Variants in NAALADL2 observed in about 807,000 individuals in gnomAD.
NAALADL2 encodes the protein N-acetylated alpha-linked acidic dipeptidase like 2.
A neutral mutation model predicts 87.2 loss-of-function variants in NAALADL2; 76 were observed. The observed-to-expected ratio is 0.87, with a 90% CI of 0.72 to 1.05. The LOEUF is 1.05. Ranked by LOEUF, NAALADL2 falls within the 50% of genes least tolerant of loss-of-function variation. NAALADL2 has a pLI of 0.00. For synonymous variants in NAALADL2, 354 were observed against 331.0 expected, an observed-to-expected ratio of 1.07 and a Z score of -0.75; for missense variants, 1,089 against 945.8, an observed-to-expected ratio of 1.15 and a Z score of -1.99.
At chr3:175,504,588 TC>T (rs1730025604) in intron 9 of NAALADL2, among the ~76,000 whole-genome samples, 1 of 111,758 alleles carries the variant, frequency 8.9e-6, no homozygotes, top group Non-Finnish European at 1.7e-5. Context: ...TCTCTCTCTC[TC>T]TCTCTCTCTC....
At chr3:175,355,065 T>C (rs1013130455) in intron 5 of NAALADL2, among the ~76,000 whole-genome samples, 1 of 150,942 alleles carries the variant, frequency 6.6e-6, no homozygotes, top group Non-Finnish European at 1.5e-5. Flanking sequence ...TGTGTATACA[T>C]ATATTTTTTC....
chr3:174,997,034 G>GTA (rs1454611057), intron 1 of NAALADL2, among the ~76,000 whole-genome samples: 11 of 104,846 alleles, frequency 1.0e-4, no homozygotes, highest in African/African-American at 3.6e-4. Context: ...GTGTGTGTGT[G>GTA]TGTGTATGTG....
chr3:174,713,367 A>G (rs890770967), intron 2 of NAALADL2, among the ~76,000 whole-genome samples: 30 of 152,326 alleles, frequency 2.0e-4, no homozygotes, highest in African/African-American at 6.5e-4. Flanking sequence ...TAGATCCCTG[A>G]GGAATCGCCA....
At chr3:174,822,805 G>C (rs1047358124) in intron 3 of NAALADL2, among the ~76,000 whole-genome samples, 1 of 152,122 alleles carries the variant, frequency 6.6e-6, no homozygotes, top group Non-Finnish European at 1.5e-5. Context: ...AGAATTGGTG[G>C]CCTGAATGAT....
chr3:175,424,222 A>C (rs1350822655), intron 5 of NAALADL2, among the ~76,000 whole-genome samples: 2 of 151,930 alleles, frequency 1.3e-5, no homozygotes, highest in African/African-American at 4.8e-5. Context: ...TGTTCACTCT[A>C]ATGGTAGTTT....
chr3:175,763,421 A>G (rs1436000159), intron 13 of NAALADL2, among the ~76,000 whole-genome samples: 1 of 152,122 alleles, frequency 6.6e-6, no homozygotes, highest in Non-Finnish European at 1.5e-5. Flanking sequence ...AATTACTCCA[A>G]TGTTTAAGGT....
chr3:174,504,291 C>A (rs1278913104), intron 1 of NAALADL2, among the ~76,000 whole-genome samples: 2 of 151,894 alleles, frequency 1.3e-5, no homozygotes, highest in Admixed American at 1.3e-4. Context: ...GAGCCAATAC[C>A]CCAATGCAAA....
intron 1 of NAALADL2, among the ~76,000 whole-genome samples, chr3:175,032,512 T>G (rs935954457): frequency 6.6e-6 from 1 of 152,040 alleles, no homozygotes; most frequent in Non-Finnish European, 1.5e-5. Flanking sequence ...TACACAAGCA[T>G]TACCTATATA....
At position 174,913,635 on chromosome 3, in the gene NAALADL2, G is replaced by T. The variant is rs1733998082; in HGVS notation, c.43+54185G>T. Reference sequence around the variant, plus strand: ...ACTTGCAATCTCCTCTGGAAAAAAAGGGATAAATAATTATTTTACCGATTT... The same window carrying T: ...ACTTGCAATCTCCTCTGGAAAAAAATGGATAAATAATTATTTTACCGATTT... On this transcript the variant is annotated intron_variant, in intron 1 of 13. Coordinates refer to ENST00000454872, the MANE Select transcript of NAALADL2 (RefSeq NM_207015.3). Among the ~76,000 whole-genome samples, 3 of 152,160 alleles carry T rather than the reference G, an allele frequency of 2.0e-5. 1 individual carries two copies. The South Asian group carries it at 6.2e-4, about 32-fold the overall frequency.
intron 11 of NAALADL2, among the ~76,000 whole-genome samples, chr3:175,710,977 C>G (rs968401518): frequency 6.6e-6 from 1 of 151,884 alleles, no homozygotes; most frequent in Non-Finnish European, 1.5e-5. Flanking sequence ...TATGAACCTT[C>G]ATATAATTCC....
chr3:174,483,430 G>A (rs1395022436), intron 1 of NAALADL2, among the ~76,000 whole-genome samples: 2 of 151,856 alleles, frequency 1.3e-5, no homozygotes, highest in Admixed American at 6.6e-5. Flanking sequence ...GAACAGCATG[G>A]GGAAACCACT....
At chr3:174,629,530 A>C (rs75974652) in intron 2 of NAALADL2, among the ~76,000 whole-genome samples, 17,384 of 152,262 alleles carry the variant, frequency 0.11, 1,078 homozygotes, top group South Asian at 0.25. Flanking sequence ...GAATTCCATA[A>C]TCATAATACA....
chr3:175,174,837 CACACAG>C (rs1226362628), intron 2 of NAALADL2, among the ~76,000 whole-genome samples: 3 of 46,862 alleles, frequency 6.4e-5, no homozygotes, highest in East Asian at 1.7e-3. Context: ...CACACACATG[CACACAG>C]ACACACACAC....
At chr3:175,206,262 ATTT>A (rs372246885) in intron 2 of NAALADL2, among the ~76,000 whole-genome samples, 2 of 103,142 alleles carry the variant, frequency 1.9e-5, no homozygotes, top group Non-Finnish European at 1.8e-5. Context: ...ATATATATAT[ATTT>A]TTTTTTTTCA....
chr3:174,742,269 C>CG (rs1733836474), intron 3 of NAALADL2, among the ~76,000 whole-genome samples: 1 of 151,602 alleles, frequency 6.6e-6, no homozygotes, highest in Non-Finnish European at 1.5e-5. Flanking sequence ...TAGTTTTCCT[C>CG]GGGATGTTCA....
chr3:175,720,463 A>G (rs1275930602), intron 11 of NAALADL2, among the ~76,000 whole-genome samples: 1 of 152,084 alleles, frequency 6.6e-6, no homozygotes, highest in African/African-American at 2.4e-5. Context: ...AAGGAAGGAA[A>G]ATAAAGTGAA....
chr3:174,648,969 G>C (rs1724079913), intron 2 of NAALADL2, among the ~76,000 whole-genome samples: 1 of 151,874 alleles, frequency 6.6e-6, no homozygotes, highest in Non-Finnish European at 1.5e-5. Context: ...TTGTTTTGTT[G>C]TTGTTGTTTT....
At position 174,672,737 on chromosome 3, in the gene NAALADL2, G is replaced by A. The variant is rs532849731; in HGVS notation, c.-114-64904G>A. Among the ~76,000 whole-genome samples, 29 of 152,144 alleles carry A rather than the reference G, an allele frequency of 1.9e-4. No individual in the cohort carries two copies. In the Middle Eastern group the frequency reaches 0.01, roughly 54 times the overall value. ...AAGCATGTGATTATTAAAGAGAAGA[G>A]TATTCCAGGCCTTGAGGACAGCAAA... On this transcript the variant is annotated intron_variant, in intron 2 of 3. Transcript: ENST00000434257.
intron 4 of NAALADL2, among the ~76,000 whole-genome samples, chr3:175,279,335 T>C (rs1006365688): frequency 6.6e-6 from 1 of 152,194 alleles, no homozygotes; most frequent in Non-Finnish European, 1.5e-5. Flanking sequence ...AAAGAAAACC[T>C]GTCCTACCAT....
Sources: gnomAD v4.1 joint callset for allele counts (sites outside exome capture counted in the v4.1 genomes callset) on GRCh38, gnomAD v4.1.1 for gene constraint, MANE v1.5 for transcripts, NCBI Gene and HGNC (gene_info 2026-07-23, HGNC 2026-07-21) for gene names.